The following CHRNA7 variants were observed in gnomAD, a reference collection of about 807,000 sequenced individuals.
CHRNA7 encodes cholinergic receptor nicotinic alpha 7 subunit, also known as neuronal acetylcholine receptor subunit alpha-7.
In CHRNA7, 17 loss-of-function variants were observed where a neutral mutation model predicts 48.0. The observed-to-expected ratio is 0.35, with a 90% confidence interval of 0.24 to 0.53. The LOEUF is 0.53. Among genes scored for constraint, CHRNA7 ranks in the 20% least tolerant of loss-of-function variants. CHRNA7 has a pLI of 0.92. For synonymous variants in CHRNA7, 75 were observed against 242.3 expected (o/e 0.31, Z 6.41); for missense variants, 155 against 577.7 (o/e 0.27, Z 7.50).
chr15:32,037,274 T>C (rs1008787539), intron 2 of CHRNA7, among the ~76,000 whole-genome samples: 22 of 152,202 alleles, frequency 1.4e-4, no homozygotes, highest in African/African-American at 5.3e-4. Context: ...TTCTCTGTTG[T>C]GTTTTGTCGA....
chr15:32,094,057 G>A (rs1218798616), intron 2 of CHRNA7, among the ~76,000 whole-genome samples: 1 of 152,130 alleles, frequency 6.6e-6, no homozygotes, highest in African/African-American at 2.4e-5. Context: ...AAAGCATAAT[G>A]CATTTCCTCT....
chr15:32,051,967 G>A (rs1309264013), intron 2 of CHRNA7, among the ~76,000 whole-genome samples: 1 of 152,180 alleles, frequency 6.6e-6, no homozygotes, highest in Non-Finnish European at 1.5e-5. Context: ...ATGAGCCACT[G>A]CACCTGGCCC....
At chr15:32,045,217 A>T (rs2141176686) in intron 2 of CHRNA7, among the ~76,000 whole-genome samples, 1 of 152,180 alleles carries the variant, frequency 6.6e-6, no homozygotes, top group African/African-American at 2.4e-5. Context: ...TGTTTTTATT[A>T]GTGATGGCTC....
intron 2 of CHRNA7, among the ~76,000 whole-genome samples, chr15:32,091,474 C>T (rs1216371859): frequency 1.3e-5 from 2 of 152,098 alleles, no homozygotes; most frequent in African/African-American, 4.8e-5. Flanking sequence ...AGTTCCTAGG[C>T]TTTGTGAATT....
At chr15:32,033,446 C>T (rs1901938807) in intron 2 of CHRNA7, among the ~76,000 whole-genome samples, 1 of 152,200 alleles carries the variant, frequency 6.6e-6, no homozygotes, top group Non-Finnish European at 1.5e-5. Flanking sequence ...TGAGGAAAAC[C>T]AACATCGGAC....
At chr15:32,072,106 G>T (rs1048202905) in intron 2 of CHRNA7, among the ~76,000 whole-genome samples, 3 of 152,174 alleles carry the variant, frequency 2.0e-5, no homozygotes, top group Non-Finnish European at 2.9e-5. Context: ...GGCTGATGAA[G>T]TCTCAGATAG....
intron 2 of CHRNA7, among the ~76,000 whole-genome samples, chr15:32,092,336 C>T (rs183553373): frequency 2.0e-4 from 31 of 152,186 alleles, no homozygotes; most frequent in Non-Finnish European, 4.0e-4. Flanking sequence ...TAATTTGATC[C>T]AAGACTTATA....
chr15:32,097,691 T>C (rs185509353), intron 2 of CHRNA7, among the ~76,000 whole-genome samples: 289 of 152,374 alleles, frequency 1.9e-3, no homozygotes, highest in Middle Eastern at 0.01. Flanking sequence ...CCTAGGTTCC[T>C]GTGGAATACT....
intron 2 of CHRNA7, among the ~76,000 whole-genome samples, chr15:32,042,681 G>A (rs2049470459): frequency 6.6e-6 from 1 of 152,122 alleles, no homozygotes; most frequent in Non-Finnish European, 1.5e-5. Context: ...GGAAAGTCCT[G>A]GCTCTCTGTA....
chr15:32,044,823 T>G lies in CHRNA7; in HGVS notation c.195+13786T>G, dbSNP rs1157563779. 2.0e-5 allele frequency among the ~76,000 whole-genome samples: 3 copies of G among 152,208 alleles called. No individual in the cohort carries two copies. In the East Asian group the frequency reaches 5.8e-4, roughly 29 times the overall value. The stretch of plus-strand genomic sequence containing the variant: ...ACTAAATGACCTATAGTGCATAGGG[T>G]GACTCCTCAAGAAAAAGAATTATCT... On this transcript the variant is annotated intron_variant, in intron 2 of 9. Transcript: ENST00000306901.
At chr15:32,121,028 G>T (rs189979309) in intron 4 of CHRNA7, among the ~76,000 whole-genome samples, 4 of 152,162 alleles carry the variant, frequency 2.6e-5, no homozygotes, top group Admixed American at 2.6e-4. Flanking sequence ...CTAGAGATGC[G>T]CTCTTCAGCT....
chr15:32,114,129 TAC>T (rs551550393), intron 4 of CHRNA7, among the ~76,000 whole-genome samples: 39 of 142,712 alleles, frequency 2.7e-4, no homozygotes, highest in African/African-American at 8.4e-4. Context: ...TACATATACA[TAC>T]ACACACACAC....
chr15:32,122,615 GT>G (rs201388566), intron 4 of CHRNA7, among the ~76,000 whole-genome samples: 7 of 151,724 alleles, frequency 4.6e-5, no homozygotes, highest in East Asian at 1.9e-4. Flanking sequence ...ATTGTGTATG[GT>G]TTTTTTTCCC....
At chr15:32,084,963 G>T in intron 2 of CHRNA7, among the ~76,000 whole-genome samples, 1 of 151,962 alleles carries the variant, frequency 6.6e-6, no homozygotes, top group Admixed American at 6.6e-5. Flanking sequence ...CTCCTGAGTA[G>T]CTGGGATTAC....
intron 2 of CHRNA7, among the ~76,000 whole-genome samples, chr15:32,059,843 G>GA (rs1272029233): frequency 7.1e-6 from 1 of 140,024 alleles, no homozygotes; most frequent in Non-Finnish European, 1.5e-5. Context: ...CAGGTGTAAG[G>GA]AAAAAAAGGC....
chr15:32,051,350 A>G (rs987263424), intron 2 of CHRNA7, among the ~76,000 whole-genome samples: 3 of 152,274 alleles, frequency 2.0e-5, no homozygotes, highest in Admixed American at 1.3e-4. Flanking sequence ...AGCCTAGGCA[A>G]TGGCGGGCGC....
chr15:32,051,449 G>A (rs540475792), intron 2 of CHRNA7, among the ~76,000 whole-genome samples: 4 of 152,322 alleles, frequency 2.6e-5, no homozygotes, highest in South Asian at 2.1e-4. Flanking sequence ...AGGACCCTCC[G>A]AGCCATGTGC....
chr15:32,111,859 G>A lies in CHRNA7; in HGVS notation c.310G>A (p.Asp104Asn), dbSNP rs773200568. 6.2e-7 allele frequency: 1 copy of A among 1,613,672 alleles called. No homozygotes were observed. Among genetic ancestry groups the A allele is most frequent in the Admixed American group, 1.7e-5 (1 of 60,032 alleles). ...AGGGGTGAAGACTGTTCGTTTCCCA[G>A]ATGGCCAGATTTGGAAACCAGACAT... is the stretch of plus-strand genomic sequence containing the variant. ...YPGVKTVRFPDGQIWKPDILL... is the reference protein window; with the variant it reads ...YPGVKTVRFPNGQIWKPDILL... Residue 104 changes from aspartate (D) to asparagine (N), a missense_variant, in exon 4 of 10, where the codon GAT becomes AAT. Asp to Asn is a conservative substitution (Grantham distance 23). Coordinates refer to ENST00000306901, the MANE Select transcript of CHRNA7 (RefSeq NM_000746.6).
chr15:32,134,621 A>G (rs1303711804), intron 4 of CHRNA7, among the ~76,000 whole-genome samples: 1 of 152,262 alleles, frequency 6.6e-6, no homozygotes, highest in Non-Finnish European at 1.5e-5. Flanking sequence ...AAACACATAC[A>G]GAAACATCTC....
Sources: allele counts gnomAD v4.1 joint callset (sites outside exome capture counted in the v4.1 genomes callset), GRCh38; gene constraint gnomAD v4.1.1; transcripts MANE v1.5; gene names NCBI Gene and HGNC (gene_info 2026-07-23, HGNC 2026-07-21).